The following SGCD variants were observed in gnomAD, a reference collection of about 807,000 sequenced individuals.
The protein encoded by SGCD is sarcoglycan delta, also known as delta-sarcoglycan.
SGCD carries 18 observed loss-of-function variants against 36.6 expected under a neutral mutation model. That is an observed-to-expected ratio of 0.49 (90% CI 0.34 to 0.73). The LOEUF (loss-of-function observed/expected upper bound fraction) is 0.73. Among genes scored for constraint, SGCD ranks in the 30% least tolerant of loss-of-function variants. SGCD has a pLI of 0.01. For missense variants in SGCD, 387 were observed against 346.7 expected (o/e 1.12, Z -0.92); for synonymous variants, 133 against 130.6 (o/e 1.02, Z -0.12).
chr5:156,045,462 A>G (rs898311353), intron 1 of SGCD, among the ~76,000 whole-genome samples: 5 of 152,150 alleles, frequency 3.3e-5, no homozygotes, highest in Admixed American at 6.6e-5. Context: ...GTCCTTTAAG[A>G]CTGACTTGCG....
At chr5:156,458,531 A>G (rs1754351627) in intron 3 of SGCD, 1 of 1,434,230 alleles carries the variant, frequency 7.0e-7, no homozygotes, top group Non-Finnish European at 9.8e-7. Flanking sequence ...GAATAGACAC[A>G]CCAGTGATTC....
At chr5:156,080,754 C>T (rs1351173089) in intron 1 of SGCD, among the ~76,000 whole-genome samples, 1 of 152,180 alleles carries the variant, frequency 6.6e-6, no homozygotes, top group Non-Finnish European at 1.5e-5. Context: ...CCATCTGAAA[C>T]CTCATCAGCC....
intron 4 of SGCD, among the ~76,000 whole-genome samples, chr5:156,541,933 C>T (rs2113152716): frequency 6.6e-6 from 1 of 152,260 alleles, no homozygotes; most frequent in African/African-American, 2.4e-5. Context: ...TAAAATAATG[C>T]CATACAACTT....
At chr5:156,676,024 A>G (rs1043235152) in intron 7 of SGCD, among the ~76,000 whole-genome samples, 1 of 152,180 alleles carries the variant, frequency 6.6e-6, no homozygotes, top group Admixed American at 6.5e-5. Flanking sequence ...TCTCTTAACC[A>G]TAGCATGGAA....
chr5:156,210,991 A>C (rs1020105381), intron 3 of SGCD, among the ~76,000 whole-genome samples: 2 of 152,198 alleles, frequency 1.3e-5, no homozygotes, highest in African/African-American at 4.8e-5. Flanking sequence ...AGACTACACC[A>C]AGACATATTA....
intron 1 of SGCD, among the ~76,000 whole-genome samples, chr5:156,006,704 G>C (rs112866275): frequency 6.0e-4 from 92 of 152,276 alleles, no homozygotes; most frequent in African/African-American, 2.2e-3. Flanking sequence ...GCAAAAAAGA[G>C]ATAAATGGGT....
intron 7 of SGCD, among the ~76,000 whole-genome samples, chr5:156,682,519 A>G (rs1229991271): frequency 6.6e-6 from 1 of 152,240 alleles, no homozygotes; most frequent in Non-Finnish European, 1.5e-5. Context: ...ATCAAACTGT[A>G]TAAATGCAAA....
chr5:156,672,285 T>C (rs1293485265), intron 7 of SGCD, among the ~76,000 whole-genome samples: 1 of 152,226 alleles, frequency 6.6e-6, no homozygotes, highest in Non-Finnish European at 1.5e-5. Context: ...CCAGCACTGT[T>C]ACCCTCAGCT....
At chr5:156,102,559 A>G (rs1247647258) in intron 1 of SGCD, among the ~76,000 whole-genome samples, 1 of 152,150 alleles carries the variant, frequency 6.6e-6, no homozygotes, top group African/African-American at 2.4e-5. Context: ...GGTTGACTCA[A>G]GCAGCTGATG....
intron 3 of SGCD, among the ~76,000 whole-genome samples, chr5:156,212,013 A>G (rs1053641085): frequency 1.3e-5 from 2 of 152,236 alleles, no homozygotes; most frequent in South Asian, 2.1e-4. Context: ...CAAGAGGTAC[A>G]CAAATGATAA....
At chr5:156,159,599 A>G (rs1452393087) in intron 3 of SGCD, among the ~76,000 whole-genome samples, 1 of 151,662 alleles carries the variant, frequency 6.6e-6, no homozygotes, top group African/African-American at 2.4e-5. Flanking sequence ...TTTATGAAAC[A>G]TTTAGTAGAA....
chr5:156,286,684 G>A (rs901934332), intron 3 of SGCD, among the ~76,000 whole-genome samples: 3 of 152,146 alleles, frequency 2.0e-5, no homozygotes, highest in African/African-American at 7.2e-5. Context: ...TGGGTTGGGG[G>A]AGTGGGGAGG....
intron 1 of SGCD, among the ~76,000 whole-genome samples, chr5:156,032,141 TA>T (rs879755694): frequency 0.014 from 2,015 of 144,748 alleles, 29 homozygotes; most frequent in African/African-American, 0.043. Flanking sequence ...TAACTTAAAA[TA>T]AAAAAAAAAA....
intron 1 of SGCD, among the ~76,000 whole-genome samples, chr5:156,060,982 C>T (rs116005553): frequency 0.028 from 4,044 of 144,988 alleles, 605 homozygotes; most frequent in Admixed American, 0.14. Flanking sequence ...CGGAATCCCT[C>T]TGTCTTTTCT....
chr5:156,575,758 A>G (rs1030834140), intron 4 of SGCD, among the ~76,000 whole-genome samples: 5 of 152,066 alleles, frequency 3.3e-5, no homozygotes, highest in East Asian at 1.9e-4. Context: ...TAAGCAAAAA[A>G]AAATATGATT....
At chr5:156,308,857 TG>T (rs1281469346) in intron 3 of SGCD, among the ~76,000 whole-genome samples, 15 of 152,232 alleles carry the variant, frequency 9.9e-5, no homozygotes, top group African/African-American at 3.6e-4. Context: ...ATAATGAAAT[TG>T]CTCAGCTTTT....
At chr5:155,826,934 G>T in the SGCD span, among the ~76,000 whole-genome samples, 1 of 152,174 alleles carries the variant, frequency 6.6e-6, no homozygotes, top group Non-Finnish European at 1.5e-5. Context: ...CCATGATACT[G>T]CTCTATACGT....
At chr5:156,416,526 T>A (rs544465662) in intron 3 of SGCD, among the ~76,000 whole-genome samples, 161 of 152,242 alleles carry the variant, frequency 1.1e-3, no homozygotes, top group African/African-American at 2.6e-3. Flanking sequence ...TAAAAAAAAA[T>A]TTTAAATGAA....
At chr5:156,124,618 A>C (rs1762126353) in intron 3 of SGCD, among the ~76,000 whole-genome samples, 1 of 152,204 alleles carries the variant, frequency 6.6e-6, no homozygotes, top group South Asian at 2.1e-4. Flanking sequence ...GTGCATATAA[A>C]TACATCCTTA....
Sources: gnomAD v4.1 joint callset for allele counts (sites outside exome capture counted in the v4.1 genomes callset) on GRCh38, gnomAD v4.1.1 for gene constraint, MANE v1.5 for transcripts, NCBI Gene and HGNC (gene_info 2026-07-23, HGNC 2026-07-21) for gene names.